CSMD2: variants seen among roughly 807,000 people sequenced by gnomAD.
CSMD2 encodes the protein CUB and Sushi multiple domains 2.
CSMD2 carries 130 observed loss-of-function variants against 398.5 expected under a neutral mutation model. The ratio of observed to expected loss-of-function variants is 0.33; its 90% CI spans 0.28 to 0.38. The LOEUF is 0.38. Among genes scored for constraint, CSMD2 ranks in the 10% least tolerant of loss-of-function variants. The pLI is 1.00. For synonymous variants in CSMD2, 1,828 were observed against 1,908.5 expected, an observed-to-expected ratio of 0.96 and a Z score of 1.10; for missense variants, 3,829 against 4,764.9, an observed-to-expected ratio of 0.80 and a Z score of 5.78.
At chr1:34,078,797 A>T (rs1363456023) in intron 2 of CSMD2, among the ~76,000 whole-genome samples, 1 of 152,132 alleles carries the variant, frequency 6.6e-6, no homozygotes, top group Admixed American at 6.5e-5. Flanking sequence ...GGCCCCAAGA[A>T]CACATTTCAC....
intron 25 of CSMD2, among the ~76,000 whole-genome samples, chr1:33,663,809 C>A (rs1644221866): frequency 6.6e-6 from 1 of 151,970 alleles, no homozygotes; most frequent in Non-Finnish European, 1.5e-5. Flanking sequence ...GCCTGTGTGA[C>A]TCTCTCTGTT....
At chr1:34,069,464 C>T (rs1655480595) in intron 2 of CSMD2, among the ~76,000 whole-genome samples, 1 of 152,186 alleles carries the variant, frequency 6.6e-6, no homozygotes, top group African/African-American at 2.4e-5. Flanking sequence ...AAAGAATCTT[C>T]ACAACTCTTT....
intron 13 of CSMD2, among the ~76,000 whole-genome samples, chr1:33,744,737 G>T (rs1314830765): frequency 6.6e-6 from 1 of 152,094 alleles, no homozygotes; most frequent in Admixed American, 6.5e-5. Flanking sequence ...AGAGTGCTTA[G>T]AGGATTCATA....
At chr1:33,621,965 G>A (rs1306391266) in intron 37 of CSMD2, among the ~76,000 whole-genome samples, 1 of 152,098 alleles carries the variant, frequency 6.6e-6, no homozygotes, top group Non-Finnish European at 1.5e-5. Flanking sequence ...ACAGGTTTTC[G>A]AGTAACAGAC....
intron 5 of CSMD2, among the ~76,000 whole-genome samples, chr1:33,867,666 T>G (rs1108927): frequency 0.12 from 18,721 of 152,262 alleles, 1,468 homozygotes; most frequent in South Asian, 0.3. Flanking sequence ...TTTAATTTCC[T>G]TTCCTTTGTT....
intron 25 of CSMD2, among the ~76,000 whole-genome samples, chr1:33,673,315 C>T (rs1407647332): frequency 1.3e-5 from 2 of 152,158 alleles, no homozygotes; most frequent in Admixed American, 1.3e-4. Flanking sequence ...GTGACGAATG[C>T]ACAAGCCTCA....
rs1388579891 is a variant in CSMD2, at chr1:33,772,638, G to T, written c.1777C>A (p.Leu593Met). The change falls in exon 13 of 71, where the codon CTG (leucine) becomes ATG (methionine). Residue 593 changes from leucine to methionine, a missense_variant. Leu to Met is a conservative substitution (Grantham distance 15, BLOSUM62 2). Transcript: ENST00000373381. ...LKFECQPAFE[L>M]VGQKAITCQK... ...CATGTGATTGCCTTCTGTCCCACCA[G>T]CTCAAAGGCGGGCTGGCACTCAAAC... 1 of 1,614,136 alleles carries T rather than the reference G, an allele frequency of 6.2e-7. No individual in the cohort carries two copies. Among genetic ancestry groups the T allele is most frequent in the African/African-American group, 1.3e-5 (1 of 75,042 alleles).
At chr1:34,060,178 AG>A (rs1654310758) in intron 2 of CSMD2, among the ~76,000 whole-genome samples, 1 of 152,142 alleles carries the variant, frequency 6.6e-6, no homozygotes, top group South Asian at 2.1e-4. Context: ...CCCCTGGGTC[AG>A]GGGAATGAAC....
At chr1:34,154,272 C>T (rs1431857791) in intron 1 of CSMD2, among the ~76,000 whole-genome samples, 1 of 152,174 alleles carries the variant, frequency 6.6e-6, no homozygotes, top group African/African-American at 2.4e-5. Context: ...GACAGAAACT[C>T]TTGGGCACTC....
intron 12 of CSMD2, among the ~76,000 whole-genome samples, chr1:33,773,339 T>A (rs1250884315): frequency 6.6e-6 from 1 of 152,234 alleles, no homozygotes; most frequent in African/African-American, 2.4e-5. Context: ...GGAAGAACCT[T>A]CATGGAGATG....
At chr1:34,063,066 C>A (rs1654703089) in intron 2 of CSMD2, among the ~76,000 whole-genome samples, 1 of 152,098 alleles carries the variant, frequency 6.6e-6, no homozygotes, top group South Asian at 2.1e-4. Flanking sequence ...TTATTCACTA[C>A]CACAAGAACA....
chr1:33,904,249 A>C (rs1036513247), intron 5 of CSMD2, among the ~76,000 whole-genome samples: 17 of 152,200 alleles, frequency 1.1e-4, no homozygotes, highest in Non-Finnish European at 2.1e-4. Context: ...GTGCTGGCGG[A>C]ACCAAATGGG....
chr1:33,739,398 A>G, intron 14 of CSMD2, 64 bp from the exon 15 acceptor site: 5 of 1,457,874 alleles, frequency 3.4e-6, no homozygotes, highest in Non-Finnish European at 4.6e-6. Context: ...TCCCTAAAGA[A>G]AATTAGCTTC....
At chr1:33,912,125 T>C (rs1401217610) in intron 5 of CSMD2, among the ~76,000 whole-genome samples, 2 of 152,170 alleles carry the variant, frequency 1.3e-5, no homozygotes, top group Admixed American at 6.5e-5. Context: ...CTACTTTGAA[T>C]GTTTGGTGGA....
At chr1:33,747,994 G>T (rs898684137) in intron 13 of CSMD2, among the ~76,000 whole-genome samples, 1 of 152,136 alleles carries the variant, frequency 6.6e-6, no homozygotes, top group Admixed American at 6.5e-5. Flanking sequence ...ACTCTTGGAT[G>T]ATCCTTTTCT....
chr1:34,149,477 A>G (rs1376532330), intron 1 of CSMD2, among the ~76,000 whole-genome samples: 1 of 152,170 alleles, frequency 6.6e-6, no homozygotes, highest in Non-Finnish European at 1.5e-5. Context: ...CCCTTCAGAG[A>G]GTATTAAATC....
chr1:33,760,701 T>G (rs533831967), intron 13 of CSMD2, among the ~76,000 whole-genome samples: 23 of 152,280 alleles, frequency 1.5e-4, no homozygotes, highest in Non-Finnish European at 2.8e-4. Context: ...CAATGAAGTT[T>G]GTGAAGGCAT....
intron 14 of CSMD2, among the ~76,000 whole-genome samples, chr1:33,740,856 C>T (rs896335468): frequency 2.6e-5 from 4 of 152,124 alleles, no homozygotes; most frequent in East Asian, 1.9e-4. Context: ...CACACACAAG[C>T]GCAAATGCAC....
intron 3 of CSMD2, among the ~76,000 whole-genome samples, chr1:33,972,801 T>C (rs1003376309): frequency 2.0e-5 from 3 of 152,104 alleles, no homozygotes; most frequent in Admixed American, 6.5e-5. Context: ...ATCATGCTTG[T>C]AGAGATTTGT....
Sources: allele counts gnomAD v4.1 joint callset (sites outside exome capture counted in the v4.1 genomes callset), GRCh38; gene constraint gnomAD v4.1.1; transcripts MANE v1.5; gene names NCBI Gene and HGNC (gene_info 2026-07-23, HGNC 2026-07-21).